The following STXBP5 variants were observed in gnomAD, a reference collection of about 807,000 sequenced individuals.
STXBP5 encodes the protein syntaxin-binding protein 5.
A neutral mutation model predicts 152.4 loss-of-function variants in STXBP5; 50 were observed. That is an observed-to-expected ratio of 0.33 (90% CI 0.26 to 0.42). The LOEUF is 0.42. Ranked by LOEUF, STXBP5 falls within the 10% of genes least tolerant of loss-of-function variation. STXBP5 has a pLI of 1.00. For missense variants in STXBP5, 1,167 were observed against 1,388.6 expected (o/e 0.84, Z 2.54); for synonymous variants, 492 against 494.7 (o/e 0.99, Z 0.07).
At chr6:147,235,210 C>T (rs202144394) in intron 2 of STXBP5, 40 bp from the exon 3 acceptor site, 188 of 1,583,794 alleles carry the variant, frequency 1.2e-4, no homozygotes, top group East Asian at 4.5e-5. Context: ...TTCTCAAAAC[C>T]GAACAAATAC....
At chr6:147,295,320 A>G (rs2128356056) in intron 9 of STXBP5, among the ~76,000 whole-genome samples, 1 of 152,286 alleles carries the variant, frequency 6.6e-6, no homozygotes, top group East Asian at 1.9e-4. Context: ...AGTTTTCTCC[A>G]GAAATGATCA....
chr6:147,337,214 C>CACACACACACACACACACACACACACA (rs150169446), intron 19 of STXBP5, among the ~76,000 whole-genome samples: 2 of 147,266 alleles, frequency 1.4e-5, no homozygotes, highest in Non-Finnish European at 3.0e-5. Context: ...CACACACACA[C>CACACACACACACACACACACACACACA]AAGAAGTCAT....
At position 147,316,415 on chromosome 6, in the gene STXBP5, A is replaced by G. The variant is rs1782649456; in HGVS notation, c.1802+8A>G. 1 of 1,499,462 alleles carries G rather than the reference A, an allele frequency of 6.7e-7. No homozygotes were observed. The highest frequency in any genetic ancestry group is 1.8e-4 in the Middle Eastern group (1 of 5,518). 92.9% of individuals were successfully genotyped at this position (1,499,462 alleles called of 1,614,324 possible). On this transcript the variant is annotated splice_region_variant and intron_variant, in intron 16 of 27. Transcript: ENST00000321680. ...TAATGTACCTTGTTTAAAGTAAGTT[A>G]TAAAAAACTACAGAGGAGTTTTGGA... is the stretch of plus-strand genomic sequence containing the variant.
chr6:147,295,933 T>C (rs926077837), intron 9 of STXBP5, among the ~76,000 whole-genome samples: 1 of 152,128 alleles, frequency 6.6e-6, no homozygotes, highest in South Asian at 2.1e-4. Context: ...ATTTGTCCAC[T>C]CTTGAGGCTC....
intron 18 of STXBP5, among the ~76,000 whole-genome samples, chr6:147,332,049 A>G (rs1249355844): frequency 6.6e-6 from 1 of 152,220 alleles, no homozygotes; most frequent in African/African-American, 2.4e-5. Flanking sequence ...ACTTAAGACC[A>G]CTTAGCTAAT....
chr6:147,289,911 G>A (rs755175078), intron 8 of STXBP5, among the ~76,000 whole-genome samples: 1 of 152,104 alleles, frequency 6.6e-6, no homozygotes, highest in East Asian at 1.9e-4. Context: ...AAAAATGTTC[G>A]CTTTCCTGGC....
intron 7 of STXBP5, 100 bp downstream of exon 7, chr6:147,267,267 A>C (rs1779940476): frequency 3.6e-6 from 3 of 827,704 alleles, no homozygotes; most frequent in Non-Finnish European, 5.8e-6. Context: ...CAAACTTTGT[A>C]ATTGCAGTAA....
chr6:147,216,823 A>C (rs1777193815), intron 2 of STXBP5, among the ~76,000 whole-genome samples: 1 of 152,188 alleles, frequency 6.6e-6, no homozygotes, highest in African/African-American at 2.4e-5. Context: ...TTTTTGTTTT[A>C]TATTAATCTT....
intron 6 of STXBP5, among the ~76,000 whole-genome samples, chr6:147,266,836 A>G (rs1028251191): frequency 6.6e-6 from 1 of 152,172 alleles, no homozygotes; most frequent in Non-Finnish European, 1.5e-5. Context: ...AGACTTCAAA[A>G]TGGTACTGTT....
chr6:147,373,608 T>A (rs1226817975), intron 25 of STXBP5, 123 bp from the exon 26 acceptor site: 1 of 663,526 alleles, frequency 1.5e-6, no homozygotes, highest in African/African-American at 1.8e-5. Flanking sequence ...ATGTACTCAT[T>A]AATTGTGAAT....
intron 23 of STXBP5, among the ~76,000 whole-genome samples, chr6:147,362,506 C>G (rs1785111174): frequency 1.3e-5 from 2 of 151,954 alleles, no homozygotes; most frequent in African/African-American, 4.8e-5. Flanking sequence ...AAATGTAACC[C>G]CTACATTAAG....
rs368163151 is a variant in STXBP5, at chr6:147,311,536, T to G, written c.1145+9T>G. 1,288 of 1,601,812 alleles carry G rather than the reference T, an allele frequency of 8.0e-4. 14 individuals are homozygous for G. In the South Asian group the frequency reaches 0.014, roughly 17 times the overall value. ...GACCTTGCACAAAATGGGTAAGAAA[T>G]AAAATTTGGTGAGTGATTCTATCAG... On this transcript the variant is annotated intron_variant, in intron 11 of 27. Coordinates refer to ENST00000321680, the MANE Select transcript of STXBP5 (RefSeq NM_001127715.4).
intron 19 of STXBP5, among the ~76,000 whole-genome samples, chr6:147,337,190 T>TAAACACACACACACACAC (rs1313465404): frequency 2.6e-5 from 1 of 38,582 alleles, no homozygotes; most frequent in African/African-American, 2.0e-4. Flanking sequence ...TACACATACA[T>TAAACACACACACACACAC]AGACACACAC....
rs1370600029 is a variant in STXBP5, at chr6:147,239,162, T to C, written c.331-8T>C. 1 of 1,611,128 alleles carries C rather than the reference T, an allele frequency of 6.2e-7. No individual in the cohort carries two copies. Among genetic ancestry groups the C allele is most frequent in the East Asian group, 2.2e-5 (1 of 44,800 alleles). Reference sequence around the variant, plus strand: ...TATACATGAAATGTGTTATACTTGATTTTTAAGGGAGCGCTTGTGAGTGCC... The same window carrying C: ...TATACATGAAATGTGTTATACTTGACTTTTAAGGGAGCGCTTGTGAGTGCC... On this transcript the variant is annotated splice_polypyrimidine_tract_variant and splice_region_variant and intron_variant, in intron 3 of 27. Transcript: ENST00000321680.
chr6:147,228,020 T>C (rs1347736791), intron 2 of STXBP5, among the ~76,000 whole-genome samples: 4 of 152,130 alleles, frequency 2.6e-5, no homozygotes, highest in African/African-American at 7.2e-5. Context: ...AGTGAATACC[T>C]CCTTGTTCTT....
chr6:147,264,853 T>C (rs955439819), intron 6 of STXBP5, among the ~76,000 whole-genome samples: 1 of 152,082 alleles, frequency 6.6e-6, no homozygotes, highest in Non-Finnish European at 1.5e-5. Flanking sequence ...AACTCTAACC[T>C]GTTGTCACAT....
At position 147,361,209 on chromosome 6, in the gene STXBP5, A is replaced by G. The variant is rs79491417; in HGVS notation, c.2545+1886A>G. Among the ~76,000 whole-genome samples the G allele has an allele frequency of 7.2e-3, 1,103 of 152,220 alleles. 14 individuals are homozygous for G. Among genetic ancestry groups the G allele is most frequent in the African/African-American group, 0.025 (1,058 of 41,550 alleles). On this transcript the variant is annotated intron_variant, in intron 23 of 27. Coordinates refer to ENST00000321680, the MANE Select transcript of STXBP5 (RefSeq NM_001127715.4). ...TATTTTCATTTTTTTACTGATTTGTAGTTTCTAAATTTTCTACAGCAAACA... is the reference window on the plus strand; with the variant it reads ...TATTTTCATTTTTTTACTGATTTGTGGTTTCTAAATTTTCTACAGCAAACA...
rs559957253 is a variant in STXBP5 at position 147,316,080 on chromosome 6, C to G, written c.1624-149C>G. The G allele has an allele frequency of 2.8e-3, 2,196 of 786,758 alleles. 5 individuals are homozygous for G. Among genetic ancestry groups the G allele is most frequent in the Admixed American group, 4.2e-3 (132 of 31,664 alleles). 48.7% of individuals were successfully genotyped at this position (786,758 alleles called of 1,614,324 possible). On this transcript the variant is annotated intron_variant, in intron 15 of 27. Transcript: ENST00000321680. ...AGAACGTTTTCTTTCTTGCTAAATCCTTATTTTTTGAAATCTTGCTAAATT... is the reference window on the plus strand; with the variant it reads ...AGAACGTTTTCTTTCTTGCTAAATCGTTATTTTTTGAAATCTTGCTAAATT...
intron 21 of STXBP5, among the ~76,000 whole-genome samples, chr6:147,345,130 T>C (rs1784265039): frequency 6.6e-6 from 1 of 152,204 alleles, no homozygotes; most frequent in Non-Finnish European, 1.5e-5. Flanking sequence ...CTTTATTTCT[T>C]TTCATTTGTG....
Sources: gnomAD v4.1 joint callset for allele counts (sites outside exome capture counted in the v4.1 genomes callset) on GRCh38, gnomAD v4.1.1 for gene constraint, MANE v1.5 for transcripts, NCBI Gene and HGNC (gene_info 2026-07-23, HGNC 2026-07-21) for gene names.